BBS9: variants seen among roughly 807,000 people sequenced by gnomAD.
The protein encoded by BBS9 is protein PTHB1.
BBS9 carries 89 observed loss-of-function variants against 117.7 expected under a neutral mutation model. The ratio of observed to expected loss-of-function variants is 0.76; its 90% confidence interval spans 0.64 to 0.90. BBS9 has a LOEUF of 0.90. Among genes scored for constraint, BBS9 ranks in the 40% least tolerant of loss-of-function variants. BBS9 has a pLI of 0.00. For missense variants in BBS9, 982 were observed against 1,042.2 expected (o/e 0.94, Z 0.80); for synonymous variants, 379 against 370.9 (o/e 1.02, Z -0.25).
chr7:33,438,047 C>T (rs1023456088), intron 19 of BBS9, among the ~76,000 whole-genome samples: 1 of 152,040 alleles, frequency 6.6e-6, no homozygotes, highest in Non-Finnish European at 1.5e-5. Flanking sequence ...TGCAGAAAAG[C>T]ATATTGTAAC....
At chr7:33,611,412 C>T (rs1485045830) in intron 21 of BBS9, among the ~76,000 whole-genome samples, 5 of 147,088 alleles carry the variant, frequency 3.4e-5, no homozygotes, top group Non-Finnish European at 7.5e-5. Flanking sequence ...CTGTAATATT[C>T]ATTGAATCCT....
At chr7:33,146,393 A>G in intron 2 of BBS9, 29 bp downstream of exon 2, 1 of 1,554,052 alleles carries the variant, frequency 6.4e-7, no homozygotes, top group Non-Finnish European at 8.9e-7. Context: ...TACATCTTGG[A>G]TGAAAGTTTT....
chr7:33,529,356 GCAGCTATCTAT>G (rs1481638396), intron 20 of BBS9, among the ~76,000 whole-genome samples: 1 of 152,170 alleles, frequency 6.6e-6, no homozygotes, highest in Non-Finnish European at 1.5e-5. Context: ...CAGAAGCTAG[GCAGCTATCTAT>G]CAAGGAGTGA....
intron 21 of BBS9, among the ~76,000 whole-genome samples, chr7:33,621,902 G>A (rs1375665454): frequency 6.6e-6 from 1 of 152,148 alleles, no homozygotes; most frequent in Non-Finnish European, 1.5e-5. Flanking sequence ...AACTTAGCCA[G>A]GCATGGAAAG....
chr7:33,602,747 G>A (rs1354929272), intron 21 of BBS9, among the ~76,000 whole-genome samples: 2 of 152,016 alleles, frequency 1.3e-5, no homozygotes, highest in Admixed American at 6.6e-5. Flanking sequence ...AAGAAGGAAT[G>A]AAAGAAAGGT....
At chr7:33,161,514 C>CT (rs1400277183) in intron 4 of BBS9, among the ~76,000 whole-genome samples, 6 of 152,206 alleles carry the variant, frequency 3.9e-5, no homozygotes, top group Non-Finnish European at 8.8e-5. Context: ...TTAATCCAGT[C>CT]TATCATTGAT....
intron 21 of BBS9, among the ~76,000 whole-genome samples, chr7:33,595,935 A>G (rs2129186817): frequency 6.6e-6 from 1 of 152,058 alleles, no homozygotes. Context: ...AAAACCAAAC[A>G]CCACATGTTC....
At chr7:33,471,279 T>C (rs935284311) in intron 19 of BBS9, among the ~76,000 whole-genome samples, 2 of 152,196 alleles carry the variant, frequency 1.3e-5, no homozygotes, top group African/African-American at 4.8e-5. Flanking sequence ...TTGTTACCTA[T>C]TTGTTTGTAA....
At chr7:33,435,991 A>G (rs956609705) in intron 19 of BBS9, among the ~76,000 whole-genome samples, 3 of 152,138 alleles carry the variant, frequency 2.0e-5, no homozygotes, top group Non-Finnish European at 4.4e-5. Flanking sequence ...TGGTCTTCCC[A>G]TGACCTTTAG....
intron 9 of BBS9, among the ~76,000 whole-genome samples, chr7:33,310,702 C>G (rs932284394): frequency 3.9e-5 from 6 of 152,158 alleles, no homozygotes; most frequent in Non-Finnish European, 8.8e-5. Context: ...ATAACCGGAG[C>G]AGGAAGTGTT....
At chr7:33,434,668 T>G (rs529401526) in intron 19 of BBS9, among the ~76,000 whole-genome samples, 1 of 152,306 alleles carries the variant, frequency 6.6e-6, no homozygotes, top group East Asian at 1.9e-4. Flanking sequence ...ACCTGTGTTT[T>G]TAGCCATTCA....
intron 5 of BBS9, among the ~76,000 whole-genome samples, chr7:33,215,707 G>A (rs1248872335): frequency 6.6e-6 from 1 of 152,106 alleles, no homozygotes; most frequent in African/African-American, 2.4e-5. Flanking sequence ...GCAGCTATTT[G>A]AATGGAACTG....
chr7:33,346,164 G>A (rs1369059157), intron 12 of BBS9: 1 of 424,682 alleles, frequency 2.4e-6, no homozygotes, highest in Non-Finnish European at 4.8e-6. Context: ...TCCTGATCCT[G>A]TCTGACAGTT....
chr7:33,162,079 C>T (rs1794945507), intron 4 of BBS9, among the ~76,000 whole-genome samples: 1 of 152,102 alleles, frequency 6.6e-6, no homozygotes, highest in Admixed American at 6.6e-5. Flanking sequence ...GTTGCCTGTT[C>T]ACGCTGCTGG....
At chr7:33,256,591 T>A (rs1268046697) in intron 5 of BBS9, among the ~76,000 whole-genome samples, 1 of 152,184 alleles carries the variant, frequency 6.6e-6, no homozygotes, top group Non-Finnish European at 1.5e-5. Flanking sequence ...TCTATTTCTA[T>A]GCAATTTGAT....
At chr7:33,132,563 TAACTA>T (rs1393841957) in intron 1 of BBS9, among the ~76,000 whole-genome samples, 1 of 152,220 alleles carries the variant, frequency 6.6e-6, no homozygotes, top group African/African-American at 2.4e-5. Flanking sequence ...TCAAGACAGT[TAACTA>T]AACTGAATTA....
intron 6 of BBS9, among the ~76,000 whole-genome samples, 167 bp from the exon 7 acceptor site, chr7:33,264,123 T>C (rs1798403758): frequency 6.6e-6 from 1 of 152,086 alleles, no homozygotes; most frequent in South Asian, 2.1e-4. Context: ...CAGTTTTATG[T>C]CACAATATCA....
intron 4 of BBS9, among the ~76,000 whole-genome samples, chr7:33,175,323 A>C (rs1488845500): frequency 2.0e-5 from 3 of 151,884 alleles, no homozygotes; most frequent in African/African-American, 7.3e-5. Context: ...TAAAAAAAAA[A>C]ACAACAAAAC....
At chr7:33,566,263 A>G (rs1406754820) in intron 21 of BBS9, among the ~76,000 whole-genome samples, 1 of 149,928 alleles carries the variant, frequency 6.7e-6, no homozygotes, top group Non-Finnish European at 1.5e-5. Flanking sequence ...CTTTTTTAAA[A>G]AAAGATGTCT....
Sources: allele counts gnomAD v4.1 joint callset (sites outside exome capture counted in the v4.1 genomes callset), GRCh38; gene constraint gnomAD v4.1.1; transcripts MANE v1.5; gene names NCBI Gene and HGNC (gene_info 2026-07-23, HGNC 2026-07-21).